The following ACBD6 variants were observed in gnomAD, a reference collection of about 807,000 sequenced individuals.
The protein encoded by ACBD6 is acyl-CoA binding domain containing 6.
A neutral mutation model predicts 37.2 loss-of-function variants in ACBD6; 28 were observed. The ratio of observed to expected loss-of-function variants is 0.75; its 90% CI spans 0.56 to 1.03. The LOEUF is 1.03. ACBD6 is among the 50% of genes least tolerant of loss of function. The pLI is 0.00. For missense variants in ACBD6, 340 were observed against 337.4 expected, an observed-to-expected ratio of 1.01 and a Z score of -0.06; for synonymous variants, 113 against 126.8, an observed-to-expected ratio of 0.89 and a Z score of 0.73.
At chr1:180,495,432 C>A (rs745947205) in intron 2 of ACBD6, 29 bp downstream of exon 2, 2 of 1,534,504 alleles carry the variant, frequency 1.3e-6, no homozygotes, top group Non-Finnish European at 8.9e-7. Flanking sequence ...TTTCCAACAA[C>A]CTCATTAAAG....
In ACBD6 at chr1:180,502,471, T is replaced by A. The variant is rs903877314; in HGVS notation, c.-205A>T. 8 of 615,038 alleles carry A rather than the reference T, an allele frequency of 1.3e-5. No homozygotes were observed. In the African/African-American group the frequency reaches 1.5e-4, roughly 11 times the overall value. The allele number at this position is 615,038 out of a possible 1,614,324, so 38.1% of individuals were successfully genotyped here. ...GCGTGCAGAGCAGGCTCCTCGACCCTCTGCCGCTCTGCCCAGTCGACCCGG... is the reference window on the plus strand; with the variant it reads ...GCGTGCAGAGCAGGCTCCTCGACCCACTGCCGCTCTGCCCAGTCGACCCGG... On this transcript the variant is annotated 5_prime_UTR_variant, in exon 1 of 8. Coordinates refer to ENST00000367595, the MANE Select transcript of ACBD6 (RefSeq NM_032360.4).
At chr1:180,471,185 A>G (rs1380214921) in intron 3 of ACBD6, among the ~76,000 whole-genome samples, 1 of 152,128 alleles carries the variant, frequency 6.6e-6, no homozygotes, top group Non-Finnish European at 1.5e-5. Flanking sequence ...AGATCTCTTA[A>G]GCCCAGGAGT....
intron 3 of ACBD6, among the ~76,000 whole-genome samples, chr1:180,490,702 C>T (rs916208566): frequency 6.6e-5 from 10 of 150,622 alleles, no homozygotes; most frequent in South Asian, 6.3e-4. Flanking sequence ...AGGAGAATGG[C>T]GGGAACCCAG....
At chr1:180,382,047 A>C (rs934714870) in intron 6 of ACBD6, among the ~76,000 whole-genome samples, 3 of 151,308 alleles carry the variant, frequency 2.0e-5, no homozygotes, top group Admixed American at 2.0e-4. Flanking sequence ...CCCAAGAGGC[A>C]GAGGTTGCAG....
At position 180,335,750 on chromosome 1, in the gene ACBD6, C is replaced by G. The variant is rs1283704237; in HGVS notation, c.664-21028G>C. 8.2e-5 allele frequency among the ~76,000 whole-genome samples: 12 copies of G among 145,964 alleles called. 1 individual carries two copies. The East Asian group carries it at 1.5e-3, about 19-fold the overall frequency. On this transcript the variant is annotated intron_variant, in intron 6 of 7. Transcript: ENST00000367595. ...TAAAGAGTCAAGACCCATCAGTGTG[C>G]TGTATTCAGGAAACCCATCTCACAT...
exon 14 of ACBD6, chr1:180,271,391 G>C: frequency 6.2e-7 from 1 of 1,614,184 alleles, no homozygotes; most frequent in Admixed American, 1.7e-5. Context: ...TGACTCAGAG[G>C]CTGGAGCTAA....
intron 5 of ACBD6, among the ~76,000 whole-genome samples, chr1:180,402,626 AC>A (rs1647423720): frequency 6.6e-6 from 1 of 151,890 alleles, no homozygotes; most frequent in Admixed American, 6.6e-5. Flanking sequence ...ACATGGTGAA[AC>A]CCCATCTCTA....
At chr1:180,387,815 C>A (rs185694955) in intron 6 of ACBD6, among the ~76,000 whole-genome samples, 10 of 152,156 alleles carry the variant, frequency 6.6e-5, no homozygotes, top group African/African-American at 2.4e-4. Flanking sequence ...TTCTTATCTG[C>A]ACCCATTGGT....
chr1:180,414,063 A>C (rs961951241), intron 4 of ACBD6, among the ~76,000 whole-genome samples: 54 of 152,244 alleles, frequency 3.5e-4, no homozygotes, highest in African/African-American at 1.3e-3. Flanking sequence ...CTTTTGACTA[A>C]TCAGCTGCAG....
In ACBD6 at chr1:180,413,471, C is replaced by T. The variant is rs528269585; in HGVS notation, c.468G>A (p.Arg156=). The change falls in exon 5 of 8, where the codon AGG becomes AGA. Residue 156 remains arginine (R), a splice_region_variant and synonymous_variant. Coordinates refer to ENST00000367595, the MANE Select transcript of ACBD6 (RefSeq NM_032360.4). ...ISSLYHEETI[R]EEDKNIFDYC... is the part of the protein sequence containing the mutation. Reference sequence around the variant, plus strand: ...AATCAAATATATTTTTGTCTTCTTCCCTAGAATAAAAAAAAGAAAGGTCTT... The same window carrying T: ...AATCAAATATATTTTTGTCTTCTTCTCTAGAATAAAAAAAAGAAAGGTCTT... The T allele has an allele frequency of 4.0e-5, 64 of 1,602,384 alleles. No individual in the cohort carries two copies. Among genetic ancestry groups the T allele is most frequent in the South Asian group, 3.5e-4 (32 of 90,804 alleles).
In ACBD6 at chr1:180,369,241, G is replaced by A. The variant is rs186340395; in HGVS notation, c.663+28275C>T. On this transcript the variant is annotated intron_variant, in intron 6 of 7. Transcript: ENST00000367595. Reference sequence around the variant, plus strand: ...CCATATCACAAAGGTCCTCACAGACGTGAGTATAGACATTTCAGTTTACAT... The same window carrying A: ...CCATATCACAAAGGTCCTCACAGACATGAGTATAGACATTTCAGTTTACAT... Among the ~76,000 whole-genome samples the A allele has an allele frequency of 2.3e-3, 350 of 152,302 alleles. 2 individuals are homozygous for A. The highest frequency in any genetic ancestry group is 7.1e-3 in the African/African-American group (296 of 41,576).
intron 6 of ACBD6, among the ~76,000 whole-genome samples, chr1:180,371,604 A>C (rs1463668090): frequency 6.6e-6 from 1 of 152,142 alleles, no homozygotes; most frequent in Non-Finnish European, 1.5e-5. Context: ...AGAACTTCTG[A>C]GATATACAAA....
chr1:180,271,394 G>A, exon 14 of ACBD6: 4 of 1,614,210 alleles, frequency 2.5e-6, no homozygotes, highest in Non-Finnish European at 3.4e-6. Flanking sequence ...CTCAGAGGCT[G>A]GAGCTAAGCG....
intron 6 of ACBD6, among the ~76,000 whole-genome samples, chr1:180,344,629 G>A (rs1415443361): frequency 6.6e-6 from 1 of 152,170 alleles, no homozygotes; most frequent in Non-Finnish European, 1.5e-5. Context: ...CCCATTGTGT[G>A]CTGGAAATTT....
chr1:180,331,790 C>A (rs1651493981), intron 6 of ACBD6, among the ~76,000 whole-genome samples: 1 of 152,180 alleles, frequency 6.6e-6, no homozygotes, highest in African/African-American at 2.4e-5. Flanking sequence ...AACCCCAAGA[C>A]TTCATGTTAA....
intron 3 of ACBD6, among the ~76,000 whole-genome samples, chr1:180,464,929 G>A (rs574130775): frequency 2.6e-5 from 4 of 152,088 alleles, no homozygotes; most frequent in East Asian, 1.9e-4. Context: ...AAAGCAATGA[G>A]GAAAAGACTC....
rs147032850 is a variant in ACBD6 at position 180,330,026 on chromosome 1, A to G, written c.664-15304T>C. Among the ~76,000 whole-genome samples the G allele has an allele frequency of 7.9e-4, 121 of 152,324 alleles. 1 individual carries two copies. The highest frequency in any genetic ancestry group is 2.8e-3 in the African/African-American group (116 of 41,568). On this transcript the variant is annotated intron_variant, in intron 6 of 7. Transcript: ENST00000367595. ...TAAAAACCAGAAAGTAACAGTATATATTCCAAAAAGCTGACAAAATACAGC... is the reference window on the plus strand; with the variant it reads ...TAAAAACCAGAAAGTAACAGTATATGTTCCAAAAAGCTGACAAAATACAGC...
At chr1:180,402,749 A>T (rs1313836004) in intron 5 of ACBD6, among the ~76,000 whole-genome samples, 1 of 151,650 alleles carries the variant, frequency 6.6e-6, no homozygotes, top group Non-Finnish European at 1.5e-5. Flanking sequence ...GTGAGCCGTG[A>T]TCGACGTCAC....
intron 6 of ACBD6, among the ~76,000 whole-genome samples, chr1:180,340,880 G>A (rs1003125294): frequency 6.6e-6 from 1 of 152,008 alleles, no homozygotes; most frequent in Admixed American, 6.6e-5. Flanking sequence ...CGGGAAGGAA[G>A]GTCACCAGCA....
Sources: gnomAD v4.1 joint callset for allele counts (sites outside exome capture counted in the v4.1 genomes callset) on GRCh38, gnomAD v4.1.1 for gene constraint, MANE v1.5 for transcripts, NCBI Gene and HGNC (gene_info 2026-07-23, HGNC 2026-07-21) for gene names.